The following ADGRL3 variants were observed in gnomAD, a reference collection of about 807,000 sequenced individuals.
The protein encoded by ADGRL3 is adhesion G protein-coupled receptor L3.
Under a neutral mutation model 153.5 loss-of-function variants are expected in ADGRL3, and 62 were observed. The observed-to-expected ratio is 0.40, with a 90% confidence interval of 0.33 to 0.50. The LOEUF (loss-of-function observed/expected upper bound fraction) is 0.50, where lower values mean the gene tolerates loss of function less well. ADGRL3 is among the 20% of genes least tolerant of loss of function. The pLI is 0.47. For missense variants in ADGRL3, 1,641 were observed against 1,859.4 expected (o/e 0.88, Z 2.16); for synonymous variants, 710 against 672.5 (o/e 1.06, Z -0.86).
At chr4:61,537,420 C>T (rs755007003) in intron 4 of ADGRL3, among the ~76,000 whole-genome samples, 3 of 152,018 alleles carry the variant, frequency 2.0e-5, no homozygotes, top group Non-Finnish European at 4.4e-5. Context: ...ATATTTACCT[C>T]TCTGGCAAGA....
chr4:61,442,617 A>G (rs2097539810), intron 2 of ADGRL3, among the ~76,000 whole-genome samples: 1 of 152,142 alleles, frequency 6.6e-6, no homozygotes, highest in African/African-American at 2.4e-5. Context: ...AGTACTGTTA[A>G]GCAAAATTTA....
intron 24 of ADGRL3, among the ~76,000 whole-genome samples, chr4:62,042,110 C>G (rs1328770353): frequency 6.6e-6 from 1 of 151,950 alleles, no homozygotes; most frequent in Non-Finnish European, 1.5e-5. Context: ...TATGCACACA[C>G]ATGCACATAT....
chr4:61,713,557 A>T (rs917794608), intron 6 of ADGRL3, among the ~76,000 whole-genome samples: 7 of 151,890 alleles, frequency 4.6e-5, no homozygotes, highest in African/African-American at 1.7e-4. Context: ...AAATCAGTAA[A>T]TGAAAGTATA....
At chr4:61,282,101 T>C (rs1347047795) in intron 1 of ADGRL3, among the ~76,000 whole-genome samples, 1 of 152,050 alleles carries the variant, frequency 6.6e-6, no homozygotes, top group Admixed American at 6.6e-5. Context: ...AAATTAAATA[T>C]AATAAAATAA....
intron 19 of ADGRL3, among the ~76,000 whole-genome samples, chr4:61,994,969 G>A (rs1341079150): frequency 6.7e-6 from 1 of 150,352 alleles, no homozygotes; most frequent in Non-Finnish European, 1.5e-5. Flanking sequence ...CTGGAGCACA[G>A]TGCCGTGATT....
intron 8 of ADGRL3, among the ~76,000 whole-genome samples, chr4:61,796,408 T>C (rs2152459603): frequency 6.6e-6 from 1 of 152,230 alleles, no homozygotes; most frequent in East Asian, 1.9e-4. Context: ...TAAGTCTTGG[T>C]GGAGATCAGA....
chr4:61,951,166 C>A (rs1365075771), intron 17 of ADGRL3, among the ~76,000 whole-genome samples: 1 of 152,002 alleles, frequency 6.6e-6, no homozygotes, highest in Admixed American at 6.6e-5. Flanking sequence ...GTCTCAATAT[C>A]CTACATGTCT....
At chr4:61,350,044 G>A (rs944998560) in intron 1 of ADGRL3, among the ~76,000 whole-genome samples, 14 of 152,100 alleles carry the variant, frequency 9.2e-5, no homozygotes, top group African/African-American at 3.4e-4. Flanking sequence ...TTCATTATTT[G>A]AAAGTTCATT....
intron 9 of ADGRL3, among the ~76,000 whole-genome samples, chr4:61,850,474 C>G (rs2149140875): frequency 6.6e-6 from 1 of 152,230 alleles, no homozygotes; most frequent in South Asian, 2.1e-4. Flanking sequence ...TCTTACCATT[C>G]TTAGTGAAAT....
At chr4:61,413,970 C>A (rs1210919773) in intron 2 of ADGRL3, among the ~76,000 whole-genome samples, 2 of 152,270 alleles carry the variant, frequency 1.3e-5, no homozygotes, top group East Asian at 3.9e-4. Flanking sequence ...GTGCATTTTG[C>A]AAATAATTTC....
At chr4:62,040,122 A>G (rs1727396063) in intron 24 of ADGRL3, among the ~76,000 whole-genome samples, 1 of 152,170 alleles carries the variant, frequency 6.6e-6, no homozygotes, top group Non-Finnish European at 1.5e-5. Flanking sequence ...CAGTTTTTCC[A>G]TCTGTAAAAT....
At chr4:61,607,633 C>T (rs1228782273) in intron 5 of ADGRL3, among the ~76,000 whole-genome samples, 1 of 152,060 alleles carries the variant, frequency 6.6e-6, no homozygotes, top group Admixed American at 6.6e-5. Flanking sequence ...AAGTTCTACA[C>T]TAGTGATATT....
intron 3 of ADGRL3, among the ~76,000 whole-genome samples, chr4:61,508,080 A>G (rs1293973831): frequency 1.3e-5 from 2 of 152,152 alleles, no homozygotes; most frequent in African/African-American, 2.4e-5. Flanking sequence ...CTCTTAAGGT[A>G]CATAATATGG....
chr4:61,271,731 G>T (rs964430232), intron 1 of ADGRL3, among the ~76,000 whole-genome samples: 5 of 151,976 alleles, frequency 3.3e-5, no homozygotes, highest in Non-Finnish European at 5.9e-5. Flanking sequence ...CACAGAACCA[G>T]GATGGAGGAA....
intron 25 of ADGRL3, among the ~76,000 whole-genome samples, chr4:62,065,182 G>A (rs941781272): frequency 9.2e-5 from 14 of 152,012 alleles, no homozygotes; most frequent in Non-Finnish European, 1.5e-4. Context: ...GAAGAGCAAA[G>A]CATTCTTCTG....
At chr4:61,845,181 C>A (rs1207830118) in intron 9 of ADGRL3, among the ~76,000 whole-genome samples, 10 of 152,054 alleles carry the variant, frequency 6.6e-5, no homozygotes, top group Non-Finnish European at 1.5e-5. Flanking sequence ...CTTTGATTCA[C>A]AAAATGTTTT....
intron 5 of ADGRL3, among the ~76,000 whole-genome samples, chr4:61,626,135 A>G (rs2092815120): frequency 7.1e-6 from 1 of 141,634 alleles, no homozygotes; most frequent in Non-Finnish European, 1.5e-5. Context: ...AAAATCTACA[A>G]AAAAAAAATT....
At chr4:61,639,100 T>A (rs1051040251) in intron 5 of ADGRL3, among the ~76,000 whole-genome samples, 1 of 152,138 alleles carries the variant, frequency 6.6e-6, no homozygotes, top group African/African-American at 2.4e-5. Flanking sequence ...AATAGTGAGG[T>A]TATTTCCTAT....
intron 1 of ADGRL3, among the ~76,000 whole-genome samples, chr4:61,303,434 A>T (rs2094650719): frequency 6.6e-6 from 1 of 152,290 alleles, no homozygotes; most frequent in Non-Finnish European, 1.5e-5. Context: ...TAATAAGGTG[A>T]TACAGATAAC....
Sources: allele counts gnomAD v4.1 joint callset (sites outside exome capture counted in the v4.1 genomes callset), GRCh38; gene constraint gnomAD v4.1.1; transcripts MANE v1.5; gene names NCBI Gene and HGNC (gene_info 2026-07-23, HGNC 2026-07-21).